ERC2: variants seen among roughly 807,000 people sequenced by gnomAD.
The protein encoded by ERC2 is ELKS/RAB6-interacting/CAST family member 2.
Under a neutral mutation model 114.8 loss-of-function variants are expected in ERC2, and 42 were observed. The observed-to-expected ratio is 0.37, with a 90% CI of 0.29 to 0.47. The LOEUF (loss-of-function observed/expected upper bound fraction) is 0.47, where lower values mean the gene tolerates loss of function less well. Among genes scored for constraint, ERC2 ranks in the 20% least tolerant of loss-of-function variants. The pLI is 0.99. For missense variants in ERC2, 939 were observed against 1,150.7 expected (o/e 0.82, Z 2.66); for synonymous variants, 454 against 425.5 (o/e 1.07, Z -0.82).
chr3:55,607,617 T>G (rs1252360408), intron 17 of ERC2, among the ~76,000 whole-genome samples: 7 of 99,050 alleles, frequency 7.1e-5, no homozygotes, highest in African/African-American at 1.9e-4. Flanking sequence ...ATAGTGTGTT[T>G]TTTTTTTTTT....
chr3:56,188,551 TATG>T (rs780224842), intron 3 of ERC2, among the ~76,000 whole-genome samples: 2 of 152,160 alleles, frequency 1.3e-5, no homozygotes, highest in African/African-American at 2.4e-5. Context: ...AGAACACAGT[TATG>T]GTGGTGGTGG....
intron 14 of ERC2, among the ~76,000 whole-genome samples, chr3:55,769,112 C>G (rs1054700260): frequency 2.0e-5 from 3 of 152,148 alleles, no homozygotes; most frequent in Non-Finnish European, 4.4e-5. Context: ...ACTGCTATCT[C>G]GCTTGGAGGC....
intron 14 of ERC2, among the ~76,000 whole-genome samples, chr3:55,784,532 T>C (rs2069325980): frequency 6.6e-6 from 1 of 152,188 alleles, no homozygotes; most frequent in South Asian, 2.1e-4. Context: ...GCTCATAAAT[T>C]ATGCCTGTAG....
At chr3:56,342,116 C>A (rs769602368) in intron 2 of ERC2, among the ~76,000 whole-genome samples, 1 of 152,240 alleles carries the variant, frequency 6.6e-6, no homozygotes, top group Non-Finnish European at 1.5e-5. Flanking sequence ...TAGAATCCAG[C>A]TTTTCAGGCA....
At chr3:55,779,369 G>A (rs1044366780) in intron 14 of ERC2, among the ~76,000 whole-genome samples, 1 of 150,588 alleles carries the variant, frequency 6.6e-6, no homozygotes, top group African/African-American at 2.4e-5. Flanking sequence ...GGGTGTAGTG[G>A]CGGTGCCTGT....
intron 3 of ERC2, among the ~76,000 whole-genome samples, chr3:56,213,280 G>A (rs932465294): frequency 6.6e-6 from 1 of 152,246 alleles, no homozygotes; most frequent in Non-Finnish European, 1.5e-5. Flanking sequence ...GGAAAGGGGT[G>A]ACAGATGGCA....
At chr3:55,629,115 A>C (rs1030097988) in intron 17 of ERC2, among the ~76,000 whole-genome samples, 4 of 151,196 alleles carry the variant, frequency 2.6e-5, no homozygotes, top group African/African-American at 9.9e-5. Flanking sequence ...TTCAGACTTG[A>C]AGATGAGACC....
Position 55,714,663 on chromosome 3 carries a change from GTGTGTATATATATA to G in ERC2, c.2713-15165_2713-15152del, listed in dbSNP as rs1392768940. On this transcript the variant is annotated intron_variant, in intron 15 of 17. Coordinates refer to ENST00000288221, the MANE Select transcript of ERC2 (RefSeq NM_015576.3). The stretch of plus-strand genomic sequence containing the variant: ...TATGTGTGTGTGTGTGTGTGTGTGT[GTGTGTATATATATA>G]TATATATATATATATATATATATAT... 8.7e-4 allele frequency among the ~76,000 whole-genome samples: 80 copies of G among 92,184 alleles called. 1 individual carries two copies. The East Asian group carries it at 0.011, about 13-fold the overall frequency. The allele number at this position is 92,184 out of a possible 152,430, so 60.5% of individuals were successfully genotyped here. A position where few individuals can be genotyped will look rare whatever the true frequency, so the allele number is the denominator to read the frequency against.
intron 13 of ERC2, among the ~76,000 whole-genome samples, chr3:55,901,085 G>A (rs765333995): frequency 1.3e-5 from 2 of 152,174 alleles, no homozygotes; most frequent in Non-Finnish European, 2.9e-5. Flanking sequence ...AAAATCCCTG[G>A]CTCATTTTCT....
At chr3:55,857,161 G>A (rs1368710174) in intron 14 of ERC2, among the ~76,000 whole-genome samples, 1 of 152,082 alleles carries the variant, frequency 6.6e-6, no homozygotes, top group East Asian at 1.9e-4. Flanking sequence ...GGTTACAAGG[G>A]TGAATTTTAT....
chr3:55,669,615 T>G (rs572045390), intron 17 of ERC2, among the ~76,000 whole-genome samples: 1 of 152,362 alleles, frequency 6.6e-6, no homozygotes, highest in South Asian at 2.1e-4. Flanking sequence ...AGCTTCTTCA[T>G]GTACCTAATT....
At chr3:56,231,500 T>C (rs2050615227) in intron 3 of ERC2, among the ~76,000 whole-genome samples, 1 of 152,222 alleles carries the variant, frequency 6.6e-6, no homozygotes, top group Non-Finnish European at 1.5e-5. Context: ...CAACCAACTA[T>C]GCATGTGGGG....
intron 14 of ERC2, among the ~76,000 whole-genome samples, chr3:55,765,786 G>A (rs2067735885): frequency 1.3e-5 from 2 of 152,196 alleles, no homozygotes; most frequent in Non-Finnish European, 2.9e-5. Flanking sequence ...GTCCACGTCT[G>A]TAACGTCTCT....
chr3:55,771,295 A>G (rs1451030851), intron 14 of ERC2, among the ~76,000 whole-genome samples: 1 of 152,158 alleles, frequency 6.6e-6, no homozygotes, highest in Non-Finnish European at 1.5e-5. Flanking sequence ...TTCAATATAG[A>G]TCATTCAGAT....
At chr3:56,149,753 C>A (rs1409594712) in intron 4 of ERC2, among the ~76,000 whole-genome samples, 1 of 152,022 alleles carries the variant, frequency 6.6e-6, no homozygotes, top group Non-Finnish European at 1.5e-5. Flanking sequence ...ATTTATTTGG[C>A]GAGCAGTCAG....
intron 2 of ERC2, among the ~76,000 whole-genome samples, chr3:56,349,608 G>A (rs2058472976): frequency 6.6e-6 from 1 of 152,112 alleles, no homozygotes; most frequent in African/African-American, 2.4e-5. Flanking sequence ...GATGAGGATC[G>A]AAAAACTACC....
chr3:56,296,283 A>G lies in ERC2; in HGVS notation c.810T>C (p.His270=). Residue 270 remains histidine (H), a synonymous_variant, in exon 3 of 18, where the codon CAT becomes CAC. Transcript: ENST00000288221. ...GGAACAGCTCCTTAGCCTGCCTGTC[A>G]TGCTCGGCTTGGAGCCGCCTAAAGT... is the stretch of plus-strand genomic sequence containing the variant. ...EENFRRLQAE[H]DRQAKELFLL... is the part of the protein sequence containing the mutation. The G allele has an allele frequency of 6.2e-7, 1 of 1,614,020 alleles. No homozygotes were observed. The highest frequency in any genetic ancestry group is 8.5e-7 in the Non-Finnish European group (1 of 1,179,902).
At chr3:56,449,376 C>T (rs919577147) in intron 1 of ERC2, among the ~76,000 whole-genome samples, 6 of 152,210 alleles carry the variant, frequency 3.9e-5, no homozygotes, top group Non-Finnish European at 5.9e-5. Flanking sequence ...ACTCTTCCTC[C>T]AGTGGACGGT....
At chr3:56,351,806 T>G (rs2058563745) in intron 2 of ERC2, among the ~76,000 whole-genome samples, 3 of 152,172 alleles carry the variant, frequency 2.0e-5, no homozygotes, top group Admixed American at 6.5e-5. Flanking sequence ...CTACTATGAC[T>G]CATCAACAGA....
Sources: allele counts gnomAD v4.1 joint callset (sites outside exome capture counted in the v4.1 genomes callset), GRCh38; gene constraint gnomAD v4.1.1; transcripts MANE v1.5; gene names NCBI Gene and HGNC (gene_info 2026-07-23, HGNC 2026-07-21).